The following MARCHF1 variants were observed in gnomAD, a reference collection of about 807,000 sequenced individuals.
The protein encoded by MARCHF1 is E3 ubiquitin-protein ligase MARCHF1.
MARCHF1 carries 40 observed loss-of-function variants against 54.2 expected under a neutral mutation model. That is an observed-to-expected ratio of 0.74 (90% CI 0.57 to 0.96). The LOEUF is 0.96. Ranked by LOEUF, MARCHF1 falls within the 40% of genes least tolerant of loss-of-function variation. MARCHF1 has a pLI of 0.00. For missense variants in MARCHF1, 586 were observed against 656.5 expected (o/e 0.89, Z 1.17); for synonymous variants, 236 against 236.3 (o/e 1.00, Z 0.01).
chr4:164,364,601 C>G (rs1561020198), intron 1 of MARCHF1, among the ~76,000 whole-genome samples: 1 of 151,836 alleles, frequency 6.6e-6, no homozygotes, highest in Non-Finnish European at 1.5e-5. Flanking sequence ...TTTAATGTTT[C>G]CTTCAGAGGT....
chr4:163,933,959 T>C (rs1329621411), intron 3 of MARCHF1, among the ~76,000 whole-genome samples: 2 of 152,228 alleles, frequency 1.3e-5, no homozygotes, highest in Non-Finnish European at 2.9e-5. Context: ...TACTGTGTAA[T>C]GCAAGTAGCA....
chr4:163,888,503 G>C (rs1750587413), intron 3 of MARCHF1, among the ~76,000 whole-genome samples: 1 of 152,052 alleles, frequency 6.6e-6, no homozygotes, highest in Non-Finnish European at 1.5e-5. Flanking sequence ...TCAATGTTCT[G>C]GCATCTTTTT....
chr4:164,066,506 C>G (rs905412118), intron 2 of MARCHF1, among the ~76,000 whole-genome samples: 2 of 152,120 alleles, frequency 1.3e-5, no homozygotes, highest in Admixed American at 1.3e-4. Flanking sequence ...ACCCAGAAAT[C>G]TAATTACTGG....
chr4:163,695,188 A>C lies in MARCHF1; in HGVS notation c.162+5625T>G, dbSNP rs918966779. On this transcript the variant is annotated intron_variant, in intron 5 of 9. Coordinates refer to ENST00000514618, the MANE Select transcript of MARCHF1 (RefSeq NM_001394959.1). Reference sequence around the variant, plus strand: ...TTCAGCTGAAAAGAATTCTCAGTACATTTTATACATAAGAAACACTTTCAC... The same window carrying C: ...TTCAGCTGAAAAGAATTCTCAGTACCTTTTATACATAAGAAACACTTTCAC... Among the ~76,000 whole-genome samples, 6 of 152,256 alleles carry C rather than the reference A, an allele frequency of 3.9e-5. No individual in the cohort carries two copies. The East Asian group carries it at 1.2e-3, about 29-fold the overall frequency.
At chr4:164,340,412 T>TAG (rs1484528321) in intron 1 of MARCHF1, among the ~76,000 whole-genome samples, 2 of 102,148 alleles carry the variant, frequency 2.0e-5, no homozygotes, top group Admixed American at 2.5e-4. Context: ...GATTTATATA[T>TAG]AGATATATAT....
At chr4:164,035,654 C>CA (rs1753978026) in intron 2 of MARCHF1, among the ~76,000 whole-genome samples, 1 of 138,754 alleles carries the variant, frequency 7.2e-6, no homozygotes, top group African/African-American at 2.6e-5. Flanking sequence ...AAATCAGAAA[C>CA]AAAAATAGAA....
chr4:163,930,375 G>C (rs968139196), intron 3 of MARCHF1, among the ~76,000 whole-genome samples: 2 of 151,896 alleles, frequency 1.3e-5, no homozygotes, highest in African/African-American at 4.8e-5. Context: ...AGGACCTCAG[G>C]AGAGTTGGGA....
chr4:164,060,356 GAATTT>G (rs1754588882), intron 2 of MARCHF1, among the ~76,000 whole-genome samples: 1 of 152,026 alleles, frequency 6.6e-6, no homozygotes, highest in South Asian at 2.1e-4. Context: ...ACATATTGTA[GAATTT>G]AATAGATATT....
At position 164,359,154 on chromosome 4, in the gene MARCHF1, A is replaced by C. The variant is rs181200724; in HGVS notation, c.-323+24716T>G. ...TTGCTTTGCACCAAGCAGTTAGAGA[A>C]TATTCGGAAGATGTGGCCATTCACA... On this transcript the variant is annotated intron_variant, in intron 1 of 9. Coordinates refer to ENST00000514618, the MANE Select transcript of MARCHF1 (RefSeq NM_001394959.1). 2.5e-4 allele frequency among the ~76,000 whole-genome samples: 38 copies of C among 152,278 alleles called. 4 individuals carry two copies. The East Asian group carries it at 3.7e-3, about 15-fold the overall frequency.
intron 4 of MARCHF1, among the ~76,000 whole-genome samples, chr4:163,840,469 G>T (rs1749305632): frequency 6.6e-6 from 1 of 151,958 alleles, no homozygotes; most frequent in Non-Finnish European, 1.5e-5. Flanking sequence ...TGAAGTTTGG[G>T]GTACAACTGA....
intron 1 of MARCHF1, among the ~76,000 whole-genome samples, chr4:164,240,422 G>C (rs141608256): frequency 6.6e-6 from 1 of 152,190 alleles, no homozygotes; most frequent in Non-Finnish European, 1.5e-5. Context: ...AATTCCAATG[G>C]AGACTCCTCA....
chr4:163,706,163 T>C (rs1288299341), intron 4 of MARCHF1, among the ~76,000 whole-genome samples: 1 of 152,088 alleles, frequency 6.6e-6, no homozygotes, highest in Non-Finnish European at 1.5e-5. Flanking sequence ...GAACTAACAA[T>C]TGTCAGTTTC....
chr4:163,718,281 A>G (rs1018741616), intron 4 of MARCHF1, among the ~76,000 whole-genome samples: 15 of 152,240 alleles, frequency 9.9e-5, no homozygotes, highest in Non-Finnish European at 1.6e-4. Context: ...AGCAATGGCA[A>G]CAAAAGCCAA....
chr4:163,630,356 C>T (rs1742030358), intron 5 of MARCHF1, among the ~76,000 whole-genome samples: 1 of 152,188 alleles, frequency 6.6e-6, no homozygotes, highest in African/African-American at 2.4e-5. Flanking sequence ...AAGCATCATT[C>T]TATTTATGAA....
chr4:163,752,391 G>A (rs1380431259), intron 4 of MARCHF1, among the ~76,000 whole-genome samples: 11 of 152,108 alleles, frequency 7.2e-5, no homozygotes, highest in Non-Finnish European at 1.5e-4. Context: ...CGACACCATA[G>A]GAAGGCAGTG....
rs556719386 is a variant in MARCHF1 at position 164,226,342 on chromosome 4, T to C, written c.-322-114680A>G. 1.1e-4 allele frequency among the ~76,000 whole-genome samples: 16 copies of C among 151,998 alleles called. No individual in the cohort carries two copies. In the South Asian group the frequency reaches 3.3e-3, roughly 32 times the overall value. On this transcript the variant is annotated intron_variant, in intron 1 of 9. Transcript: ENST00000514618. ...GCAATAAATTATTATGGGGGGAAAA[T>C]AAGCTATTAGAGTCGTTGGAGGGGA...
chr4:164,360,877 A>C (rs934651236), intron 1 of MARCHF1, among the ~76,000 whole-genome samples: 3 of 152,162 alleles, frequency 2.0e-5, no homozygotes, highest in Admixed American at 6.5e-5. Context: ...GTAGTAAACT[A>C]TAGGTACTAT....
At chr4:164,364,366 C>A (rs989511661) in intron 1 of MARCHF1, among the ~76,000 whole-genome samples, 5 of 151,940 alleles carry the variant, frequency 3.3e-5, no homozygotes, top group Non-Finnish European at 7.4e-5. Context: ...TTGAATTTAG[C>A]AAATCTTAAA....
chr4:164,058,536 TTA>T (rs577908752), intron 2 of MARCHF1, among the ~76,000 whole-genome samples: 167 of 152,342 alleles, frequency 1.1e-3, no homozygotes, highest in Non-Finnish European at 1.9e-3. Flanking sequence ...CTTGAAATTC[TTA>T]ATAATTTTAT....
Sources: gnomAD v4.1 joint callset for allele counts (sites outside exome capture counted in the v4.1 genomes callset) on GRCh38, gnomAD v4.1.1 for gene constraint, MANE v1.5 for transcripts, NCBI Gene and HGNC (gene_info 2026-07-23, HGNC 2026-07-21) for gene names.